PPP2R2B: variants seen among roughly 807,000 people sequenced by gnomAD.
PPP2R2B encodes the protein serine/threonine-protein phosphatase 2A 55 kDa regulatory subunit B beta isoform.
A neutral mutation model predicts 46.0 loss-of-function variants in PPP2R2B; 5 were observed. The ratio of observed to expected loss-of-function variants is 0.11; its 90% confidence interval spans 0.06 to 0.23. PPP2R2B has a LOEUF of 0.23. Ranked by LOEUF, PPP2R2B falls within the 10% of genes least tolerant of loss-of-function variation. The probability of loss-of-function intolerance (pLI) is 1.00; values close to 1 mark genes in which losing one functional copy is unlikely to be tolerated. For missense variants in PPP2R2B, 367 were observed against 575.0 expected (o/e 0.64, Z 3.70); for synonymous variants, 215 against 206.7 (o/e 1.04, Z -0.34).
chr5:147,018,041 G>GCA lies in PPP2R2B; in HGVS notation c.79+37623_79+37624insTG, dbSNP rs1467515012. ...GTCTACGACACACACATGCATGCGC[G>GCA]CGCACACACACACACACACACACAC... On this transcript the variant is annotated intron_variant, in intron 1 of 8. Transcript: ENST00000336640. Among the ~76,000 whole-genome samples the GCA allele has an allele frequency of 5.1e-3, 86 of 16,926 alleles. 1 individual carries two copies. The highest frequency in any genetic ancestry group is 0.014 in the African/African-American group (83 of 5,980). 11.1% of individuals were successfully genotyped at this position (16,926 alleles called of 152,430 possible).
intron 1 of PPP2R2B, among the ~76,000 whole-genome samples, chr5:146,960,309 T>G (rs1211962150): frequency 6.6e-6 from 1 of 152,144 alleles, no homozygotes; most frequent in Non-Finnish European, 1.5e-5. Context: ...TGCTTTTTTT[T>G]GACGGAGTCT....
intron 2 of PPP2R2B, among the ~76,000 whole-genome samples, chr5:146,843,850 T>C (rs1188152751): frequency 3.9e-5 from 6 of 151,990 alleles, no homozygotes; most frequent in Non-Finnish European, 7.4e-5. Flanking sequence ...CAGTCTATCA[T>C]TGTTGGACAT....
At chr5:146,730,798 G>T (rs560027977) in intron 2 of PPP2R2B, among the ~76,000 whole-genome samples, 1 of 151,938 alleles carries the variant, frequency 6.6e-6, no homozygotes, top group Non-Finnish European at 1.5e-5. Flanking sequence ...CCTAGTCTTG[G>T]GTATGTCTTC....
At chr5:147,010,819 T>C (rs541066646) in intron 1 of PPP2R2B, among the ~76,000 whole-genome samples, 11 of 152,192 alleles carry the variant, frequency 7.2e-5, no homozygotes, top group Non-Finnish European at 1.5e-4. Flanking sequence ...CCATATCCAG[T>C]TGGTTCACAC....
In PPP2R2B at chr5:146,947,294, C is replaced by T. The variant is rs112482796; in HGVS notation, c.79+108371G>A. 2.2e-4 allele frequency among the ~76,000 whole-genome samples: 33 copies of T among 152,280 alleles called. 3 individuals are homozygous for T. Among genetic ancestry groups the T allele is most frequent in the African/African-American group, 7.5e-4 (31 of 41,560 alleles). ...GTCTATCTCTTCATTATTCTACCTG[C>T]ATGTGCTTTGCGCCTACTTCATAAT... is the stretch of plus-strand genomic sequence containing the variant. On this transcript the variant is annotated intron_variant, in intron 1 of 8. Coordinates refer to the PPP2R2B transcript ENST00000336640.
chr5:146,666,995 C>T (rs976427156), intron 5 of PPP2R2B, among the ~76,000 whole-genome samples: 2 of 152,008 alleles, frequency 1.3e-5, no homozygotes, highest in Non-Finnish European at 2.9e-5. Context: ...TCTTAAAATG[C>T]AGAGGTAGGA....
At chr5:146,818,903 C>T (rs1269098400) in intron 2 of PPP2R2B, among the ~76,000 whole-genome samples, 2 of 152,222 alleles carry the variant, frequency 1.3e-5, no homozygotes, top group Non-Finnish European at 2.9e-5. Flanking sequence ...AGAATTGGCA[C>T]AAGGCCTGCA....
At chr5:146,831,941 A>C (rs1433969549) in intron 2 of PPP2R2B, among the ~76,000 whole-genome samples, 1 of 152,262 alleles carries the variant, frequency 6.6e-6, no homozygotes, top group African/African-American at 2.4e-5. Flanking sequence ...AGACAGTGAC[A>C]TTGATAATCC....
chr5:146,591,881 G>A (rs890906924), intron 9 of PPP2R2B, among the ~76,000 whole-genome samples: 2 of 152,110 alleles, frequency 1.3e-5, no homozygotes, highest in African/African-American at 4.8e-5. Flanking sequence ...AACGATGGAA[G>A]CAATCTTGTT....
At chr5:146,738,880 T>C (rs1225762417) in intron 2 of PPP2R2B, among the ~76,000 whole-genome samples, 1 of 152,220 alleles carries the variant, frequency 6.6e-6, no homozygotes, top group Non-Finnish European at 1.5e-5. Flanking sequence ...TAGTCATTAG[T>C]TGGTGTGACT....
chr5:146,706,559 C>T (rs1440037627), intron 2 of PPP2R2B: 2 of 947,432 alleles, frequency 2.1e-6, no homozygotes, highest in African/African-American at 3.3e-5. Flanking sequence ...GGGCGGCCTC[C>T]AGCTCGGACA....
intron 2 of PPP2R2B, among the ~76,000 whole-genome samples, chr5:146,864,008 T>C (rs773259570): frequency 1.2e-4 from 19 of 152,156 alleles, no homozygotes; most frequent in Non-Finnish European, 2.4e-4. Flanking sequence ...GGAACAGCGA[T>C]TTTAGAAGGA....
At position 147,042,104 on chromosome 5, in the gene PPP2R2B, A is replaced by G. The variant is rs572660082; in HGVS notation, c.79+13561T>C. 6.2e-4 allele frequency among the ~76,000 whole-genome samples: 95 copies of G among 152,216 alleles called. 1 individual carries two copies. The highest frequency in any genetic ancestry group is 2.3e-3 in the African/African-American group (94 of 41,546). On this transcript the variant is annotated intron_variant, in intron 1 of 8. Coordinates refer to the PPP2R2B transcript ENST00000336640. ...TCCGATTGATAACGCCCAAATCCCC[A>G]CGTCTATCACCTTGTAATAGTCTTA...
At chr5:146,661,380 C>A (rs981099179) in intron 5 of PPP2R2B, among the ~76,000 whole-genome samples, 2 of 151,946 alleles carry the variant, frequency 1.3e-5, no homozygotes, top group East Asian at 3.8e-4. Context: ...CTACAATAGA[C>A]CAGCAATAAG....
chr5:146,812,715 AGAGTTACTT>A (rs1757653023), intron 2 of PPP2R2B, among the ~76,000 whole-genome samples: 1 of 29,244 alleles, frequency 3.4e-5, no homozygotes, highest in African/African-American at 1.4e-4. Flanking sequence ...TGCTATCACT[AGAGTTACTT>A]TATATATATA....
chr5:146,727,805 T>C (rs1751969030), intron 2 of PPP2R2B, among the ~76,000 whole-genome samples: 1 of 151,850 alleles, frequency 6.6e-6, no homozygotes, highest in Admixed American at 6.6e-5. Flanking sequence ...TCTTGTGTAA[T>C]TGAAATGTTA....
intron 7 of PPP2R2B, among the ~76,000 whole-genome samples, chr5:146,632,910 G>A (rs1774537355): frequency 6.6e-6 from 1 of 152,256 alleles, no homozygotes; most frequent in East Asian, 1.9e-4. Context: ...GGAAATGTTG[G>A]CAGAGACCAG....
At chr5:146,779,400 G>A (rs1042768816) in intron 2 of PPP2R2B, among the ~76,000 whole-genome samples, 10 of 152,142 alleles carry the variant, frequency 6.6e-5, no homozygotes, top group Non-Finnish European at 1.0e-4. Context: ...TGTACAGTGA[G>A]GCGTGCGATT....
At chr5:146,605,438 T>G (rs1772171104) in intron 7 of PPP2R2B, among the ~76,000 whole-genome samples, 1 of 152,214 alleles carries the variant, frequency 6.6e-6, no homozygotes, top group South Asian at 2.1e-4. Context: ...CTTTCCAAAG[T>G]GACTTCAGCA....
Sources: allele counts gnomAD v4.1 joint callset (sites outside exome capture counted in the v4.1 genomes callset), GRCh38; gene constraint gnomAD v4.1.1; transcripts MANE v1.5; gene names NCBI Gene and HGNC (gene_info 2026-07-23, HGNC 2026-07-21).